The following BIN2 variants were observed in gnomAD, a reference collection of about 807,000 sequenced individuals.
BIN2 encodes breast cancer associated protein BRAP1.
BIN2 carries 43 observed loss-of-function variants against 67.9 expected under a neutral mutation model. That is an observed-to-expected ratio of 0.63 (90% confidence interval 0.50 to 0.82). The LOEUF is 0.82. Ranked by LOEUF, BIN2 falls within the 40% of genes least tolerant of loss-of-function variation. The pLI, the probability that BIN2 is intolerant of heterozygous loss-of-function variation, is 0.00. For missense variants in BIN2, 581 were observed against 671.6 expected, an observed-to-expected ratio of 0.87 and a Z score of 1.49; for synonymous variants, 244 against 246.8, an observed-to-expected ratio of 0.99 and a Z score of 0.11.
At chr12:51,323,976 C>A in intron 1 of BIN2, 46 bp downstream of exon 1, 1 of 1,604,960 alleles carries the variant, frequency 6.2e-7, no homozygotes, top group African/African-American at 1.3e-5. Flanking sequence ...CGGCCTCGGC[C>A]TCGGCTCCCT....
At chr12:51,299,155 GGT>G in intron 7 of BIN2, 46 bp downstream of exon 7, 1 of 1,332,874 alleles carries the variant, frequency 7.5e-7, no homozygotes, top group Non-Finnish European at 1.1e-6. Flanking sequence ...AGGCACACAA[GGT>G]GCCTTGTGTG....
At chr12:51,288,951 T>C (rs1945315802) in intron 10 of BIN2, among the ~76,000 whole-genome samples, 1 of 152,096 alleles carries the variant, frequency 6.6e-6, no homozygotes, top group South Asian at 2.1e-4. Flanking sequence ...GGTTTCACCA[T>C]GTTGGCCAGG....
At chr12:51,292,483 C>A in intron 9 of BIN2, 139 bp from the exon 10 acceptor site, 1 of 1,002,332 alleles carries the variant, frequency 1.0e-6, no homozygotes, top group South Asian at 2.0e-5. Context: ...TACAATAACA[C>A]TTATACAGTG....
intron 8 of BIN2, 42 bp from the exon 9 acceptor site, chr12:51,295,920 A>G (rs1193134478): frequency 6.5e-7 from 1 of 1,535,198 alleles, no homozygotes; most frequent in Non-Finnish European, 9.0e-7. Flanking sequence ...CCAACTGGGA[A>G]CCCGAGAGTG....
chr12:51,300,409 T>A (rs1177362879), intron 5 of BIN2, among the ~76,000 whole-genome samples: 1 of 152,192 alleles, frequency 6.6e-6, no homozygotes, highest in African/African-American at 2.4e-5. Flanking sequence ...AGTGAAAGTC[T>A]GGATTTTTGG....
At chr12:51,295,482 G>A (rs1347474863) in intron 9 of BIN2, among the ~76,000 whole-genome samples, 1 of 147,640 alleles carries the variant, frequency 6.8e-6, no homozygotes, top group African/African-American at 2.5e-5. Context: ...AGAATGGCAT[G>A]AACCCGGGAG....
At chr12:51,317,849 G>C (rs1427027290) in intron 1 of BIN2, among the ~76,000 whole-genome samples, 1 of 151,922 alleles carries the variant, frequency 6.6e-6, no homozygotes, top group Non-Finnish European at 1.5e-5. Context: ...TTAGCCAGGC[G>C]TGGTGGTGGG....
chr12:51,281,558 T>A (rs1422258270), intron 12 of BIN2, 30 bp from the exon 13 acceptor site: 1 of 1,613,370 alleles, frequency 6.2e-7, no homozygotes, highest in Non-Finnish European at 8.5e-7. Context: ...GTGTTAGGTG[T>A]TGACCTGCCT....
intron 6 of BIN2, 35 bp from the exon 7 acceptor site, chr12:51,299,323 A>C (rs764516832): frequency 6.3e-7 from 1 of 1,579,566 alleles, no homozygotes; most frequent in Non-Finnish European, 8.7e-7. Flanking sequence ...ATCTCCCTCA[A>C]TTCTGAACCC....
At chr12:51,307,474 C>T (rs71449804) in intron 2 of BIN2, among the ~76,000 whole-genome samples, 9,506 of 151,612 alleles carry the variant, frequency 0.063, 413 homozygotes, top group Middle Eastern at 0.1. Context: ...TTTGGGAGGC[C>T]GAGGCAGGTA....
intron 7 of BIN2, 101 bp downstream of exon 7, chr12:51,299,102 T>A: frequency 1.3e-6 from 1 of 744,472 alleles, no homozygotes; most frequent in Non-Finnish European, 2.2e-6. Context: ...GGCGGGGCAG[T>A]GTGGGAATTT....
rs138741584 is a variant in BIN2 at position 51,292,118 on chromosome 12, A to T, written c.988T>A (p.Ser330Thr). 1.3e-5 allele frequency: 21 copies of T among 1,613,990 alleles called. No homozygotes were observed. In the African/African-American group the frequency reaches 1.6e-4, roughly 12 times the overall value. ...EIEKEGSEAS[S>T]SEEDEPLPAC... ...GGTAGAGGCTCATCTTCCTCAGAGG[A>T]GCTTGCTTCAGATCCTTCCTTCTCT... is the stretch of plus-strand genomic sequence containing the variant. The change falls in exon 10 of 13, where the codon TCC becomes ACC. Residue 330 changes from serine to threonine, a missense_variant. Ser to Thr is a moderately conservative substitution (Grantham distance 58). Transcript: ENST00000615107.
At position 51,295,849 on chromosome 12, in the gene BIN2, G is replaced by C. The variant is rs1384561947; in HGVS notation, c.708C>G (p.Ser236Arg). The C allele has an allele frequency of 6.2e-7, 1 of 1,612,990 alleles. No individual in the cohort carries two copies. The highest frequency in any genetic ancestry group is 2.2e-5 in the East Asian group (1 of 44,828). Residue 236 changes from serine to arginine, a missense_variant, in exon 9 of 13, where the codon AGC (serine) becomes AGG (arginine). Transcript: ENST00000615107. ...KLNHNLYEVM[S>R]KLEKQHSNKV... ...TATTGGAATGTTGCTTCTCCAGTTT[G>C]CTCATCACCTCGTAGAGATTGTGGT...
In BIN2 at chr12:51,293,372, C is replaced by T. The variant is rs60955058; in HGVS notation, c.762-1028G>A. The stretch of plus-strand genomic sequence containing the variant: ...TCGCCCAGGCGGGAGTGCAGTGGCG[C>T]GATCTCGGCTCACTGCAAGCTCTGA... On this transcript the variant is annotated intron_variant, in intron 9 of 12. Coordinates refer to ENST00000615107, the MANE Select transcript of BIN2 (RefSeq NM_016293.4). Among the ~76,000 whole-genome samples, 251 of 152,202 alleles carry T rather than the reference C, an allele frequency of 1.6e-3. 3 individuals carry two copies. Among genetic ancestry groups the T allele is most frequent in the African/African-American group, 5.8e-3 (239 of 41,546 alleles).
intron 3 of BIN2, 123 bp from the exon 4 acceptor site, chr12:51,302,903 G>T: frequency 8.7e-7 from 1 of 1,144,480 alleles, no homozygotes; most frequent in Non-Finnish European, 1.3e-6. Context: ...GGTTATATAA[G>T]TGAGGAAAGC....
intron 12 of BIN2, 122 bp downstream of exon 12, chr12:51,284,594 G>A (rs375631351): frequency 2.2e-5 from 15 of 686,842 alleles, no homozygotes; most frequent in South Asian, 1.5e-4. Flanking sequence ...CCACCTGCTT[G>A]ACTGCCCTAA....
chr12:51,305,404 T>G (rs1316577807), intron 2 of BIN2, among the ~76,000 whole-genome samples: 3 of 151,904 alleles, frequency 2.0e-5, no homozygotes, highest in Non-Finnish European at 4.4e-5. Flanking sequence ...GGCAGGAGGA[T>G]CACGAGGTCA....
At chr12:51,324,234 G>A, upstream of BIN2, 1 of 1,453,830 alleles carries the variant, frequency 6.9e-7, no homozygotes, top group Middle Eastern at 2.5e-4. Context: ...GGCCGCCCCT[G>A]GCCAGCCCTG....
At chr12:51,320,971 T>TCACACACA (rs1555173099) in intron 1 of BIN2, among the ~76,000 whole-genome samples, 1 of 146,474 alleles carries the variant, frequency 6.8e-6, no homozygotes, top group East Asian at 2.0e-4. Flanking sequence ...ACACACACAC[T>TCACACACA]CTAAAGCCAG....
Sources: gnomAD v4.1 joint callset for allele counts (sites outside exome capture counted in the v4.1 genomes callset) on GRCh38, gnomAD v4.1.1 for gene constraint, MANE v1.5 for transcripts, NCBI Gene and HGNC (gene_info 2026-07-23, HGNC 2026-07-21) for gene names.